Variants in FAM114A2 observed in about 807,000 individuals in gnomAD.
The protein encoded by FAM114A2 is family with sequence similarity 114 member A2, also known as protein FAM114A2.
Under a neutral mutation model 58.4 loss-of-function variants are expected in FAM114A2, and 53 were observed. The ratio of observed to expected loss-of-function variants is 0.91; its 90% CI spans 0.73 to 1.14. The LOEUF is 1.14. FAM114A2 is among the 50% of genes most tolerant of loss of function. The pLI is 0.00. For missense variants in FAM114A2, 601 were observed against 581.1 expected, an observed-to-expected ratio of 1.03 and a Z score of -0.35; for synonymous variants, 228 against 211.4, an observed-to-expected ratio of 1.08 and a Z score of -0.68.
intron 8 of FAM114A2, among the ~76,000 whole-genome samples, chr5:154,022,296 A>C (rs1771470817): frequency 6.6e-6 from 1 of 152,358 alleles, no homozygotes; most frequent in Non-Finnish European, 1.5e-5. Flanking sequence ...GGATCTAATT[A>C]AACTAAAGAG....
rs953238106 is a variant in FAM114A2 at position 153,990,580 on chromosome 5, G to A, written c.*2396C>T. On this transcript the variant is annotated 3_prime_UTR_variant, in exon 14 of 14. Coordinates refer to ENST00000351797, the MANE Select transcript of FAM114A2 (RefSeq NM_018691.4). ...ACACATTTCTAAGGTATTATGCAAAGGAAAATAAAAATTGTTTCATAGAGG... is the reference window on the plus strand; with the variant it reads ...ACACATTTCTAAGGTATTATGCAAAAGAAAATAAAAATTGTTTCATAGAGG... 2 of 151,228 alleles carry A rather than the reference G, an allele frequency of 1.3e-5. No homozygotes were observed. The highest frequency in any genetic ancestry group is 2.9e-5 in the Non-Finnish European group (2 of 67,886). The allele number at this position is 151,228 out of a possible 1,614,324, so 9.4% of individuals were successfully genotyped here. A position where few individuals can be genotyped will look rare whatever the true frequency, so the allele number is the denominator to read the frequency against.
intron 4 of FAM114A2, among the ~76,000 whole-genome samples, chr5:154,031,312 C>CAAA (rs59757780): frequency 1.9e-4 from 9 of 47,844 alleles, no homozygotes; most frequent in Non-Finnish European, 3.4e-5. Flanking sequence ...ACTCCCTCTC[C>CAAA]AAAAAAAAAA....
intron 8 of FAM114A2, among the ~76,000 whole-genome samples, chr5:154,021,010 G>A (rs921449109): frequency 7.2e-5 from 11 of 151,980 alleles, no homozygotes; most frequent in East Asian, 1.9e-4. Flanking sequence ...ATCAATAAAC[G>A]TAATCCATCA....
chr5:154,005,551 C>G (rs1253873824), intron 9 of FAM114A2, among the ~76,000 whole-genome samples: 2 of 152,050 alleles, frequency 1.3e-5, no homozygotes, highest in East Asian at 3.9e-4. Context: ...AAGAATGAAG[C>G]CAAAACAAAA....
At chr5:154,037,519 G>A (rs901212703) in intron 1 of FAM114A2, among the ~76,000 whole-genome samples, 3 of 152,182 alleles carry the variant, frequency 2.0e-5, no homozygotes, top group African/African-American at 7.2e-5. Context: ...GGAAAGACGA[G>A]ACAGTTTTTG....
Position 153,997,754 on chromosome 5 carries a change from C to T in FAM114A2, c.1329+49G>A, listed in dbSNP as rs199562705. On this transcript the variant is annotated intron_variant, in intron 12 of 13. Transcript: ENST00000351797. ...AGCAAATTTTATGATATTTAAACTG[C>T]TAAAGAAACCAGACAAACATTATTG... 7.1e-5 allele frequency: 80 copies of T among 1,132,798 alleles called. No homozygotes were observed. In the East Asian group the frequency reaches 1.8e-3, roughly 26 times the overall value. The allele number at this position is 1,132,798 out of a possible 1,614,324, so 70.2% of individuals were successfully genotyped here. A position where few individuals can be genotyped will look rare whatever the true frequency, so the allele number is the denominator to read the frequency against.
chr5:154,012,058 G>A (rs690053), intron 8 of FAM114A2, among the ~76,000 whole-genome samples: 93,190 of 151,660 alleles, frequency 0.61, 29,123 homozygotes, highest in East Asian at 0.87. Flanking sequence ...GTGGCTGGGT[G>A]GAGAATGGAT....
In FAM114A2 at chr5:154,034,900, G is replaced by C; in HGVS notation, c.54C>G (p.Ile18Met). The change falls in exon 2 of 14, where the codon ATC becomes ATG. Residue 18 changes from isoleucine (I) to methionine (M), a missense_variant. Ile to Met is a conservative substitution (Grantham distance 10). Transcript: ENST00000351797. ...CTGGCTCACAGTTTCCATCTTCAAG[G>C]ATGGGGGCTGCTTCAGTTAGCAGTG... ...ETPLLTEAAP[I>M]LEDGNCEPAK... The C allele has an allele frequency of 6.2e-7, 1 of 1,613,988 alleles. No individual in the cohort carries two copies. The highest frequency in any genetic ancestry group is 8.5e-7 in the Non-Finnish European group (1 of 1,179,874).
intron 10 of FAM114A2, 34 bp from the exon 11 acceptor site, chr5:154,002,424 C>G (rs953856114): frequency 1.2e-6 from 2 of 1,604,642 alleles, no homozygotes; most frequent in Non-Finnish European, 1.7e-6. Context: ...CATAGCAAAA[C>G]AAAACATTTG....
intron 12 of FAM114A2, among the ~76,000 whole-genome samples, chr5:153,995,840 C>A (rs1769521698): frequency 6.6e-6 from 1 of 152,108 alleles, no homozygotes. Context: ...TTAACTACTT[C>A]TCTCCCACCG....
Position 153,990,439 on chromosome 5 carries a change from G to A in FAM114A2, c.*2537C>T, listed in dbSNP as rs1015826795. ...GCACTGATTTCAGATTCATAGTAAT[G>A]CCATCTATAAAAATTACAATTTCAC... On this transcript the variant is annotated 3_prime_UTR_variant, in exon 14 of 14. Coordinates refer to ENST00000351797, the MANE Select transcript of FAM114A2 (RefSeq NM_018691.4). 6.6e-6 allele frequency: 1 copy of A among 150,688 alleles called. No individual in the cohort carries two copies. Among genetic ancestry groups the A allele is most frequent in the East Asian group, 2.0e-4 (1 of 5,116 alleles). 9.3% of individuals were successfully genotyped at this position (150,688 alleles called of 1,614,324 possible).
chr5:154,016,906 C>T (rs1463963153), intron 8 of FAM114A2, among the ~76,000 whole-genome samples: 1 of 152,062 alleles, frequency 6.6e-6, no homozygotes, highest in Non-Finnish European at 1.5e-5. Context: ...TAAGGACTCA[C>T]GTAAGCTTAA....
intron 4 of FAM114A2, among the ~76,000 whole-genome samples, chr5:154,032,225 A>G (rs1374434783): frequency 6.6e-6 from 1 of 152,210 alleles, no homozygotes; most frequent in Non-Finnish European, 1.5e-5. Flanking sequence ...TCTTCAAAAA[A>G]AGTATGGAAG....
At chr5:154,018,387 A>G (rs971234062) in intron 8 of FAM114A2, among the ~76,000 whole-genome samples, 2 of 152,132 alleles carry the variant, frequency 1.3e-5, no homozygotes, top group African/African-American at 4.8e-5. Flanking sequence ...GAACAAACCA[A>G]TAACAAGCAG....
At chr5:154,003,085 G>A (rs940712256) in intron 9 of FAM114A2, 116 bp from the exon 10 acceptor site, 7 of 816,180 alleles carry the variant, frequency 8.6e-6, no homozygotes, top group South Asian at 5.1e-5. Flanking sequence ...TTACCTGAAC[G>A]TACCATCTAG....
At chr5:154,002,574 C>T (rs1057178024) in intron 10 of FAM114A2, among the ~76,000 whole-genome samples, 184 bp from the exon 11 acceptor site, 3 of 152,120 alleles carry the variant, frequency 2.0e-5, no homozygotes, top group Non-Finnish European at 4.4e-5. Context: ...TCAGGTGTGA[C>T]GAAGTAACTA....
At chr5:154,019,556 A>G (rs1162872969) in intron 8 of FAM114A2, among the ~76,000 whole-genome samples, 1 of 152,214 alleles carries the variant, frequency 6.6e-6, no homozygotes. Context: ...TGGAACCAAA[A>G]AAGAGCCCAC....
At position 154,002,951 on chromosome 5, in the gene FAM114A2, C is replaced by A. The variant is rs370026012; in HGVS notation, c.1012G>T (p.Glu338Ter). ...TTGGTCAGAGACTTCCTGATCCATT[C>A]GTGGGCGGTATTTCTTGCCTAAATA... The part of the protein sequence containing the change: ...KLARARNTAH[E>*]WIRKSLTKPL... The change falls in exon 10 of 14, where the codon GAA (glutamate) becomes TAA (stop). Residue 338 changes from glutamate (E) to a stop codon, truncating the protein, a stop_gained. Transcript: ENST00000351797. LOFTEE classifies it high-confidence loss of function. 1 of 1,613,778 alleles carries A rather than the reference C, an allele frequency of 6.2e-7. No homozygotes were observed. Among genetic ancestry groups the A allele is most frequent in the Non-Finnish European group, 8.5e-7 (1 of 1,179,860 alleles).
Position 153,991,102 on chromosome 5 carries a change from T to G in FAM114A2, c.*1874A>C, listed in dbSNP as rs1581748030. The stretch of plus-strand genomic sequence containing the variant: ...AAATAAATAAATATATATGGGGGGG[T>G]GGGGAAGATGAGAAAAAAAGAGTTA... On this transcript the variant is annotated 3_prime_UTR_variant, in exon 14 of 14. Transcript: ENST00000351797. The G allele has an allele frequency of 6.8e-6, 1 of 146,384 alleles. No individual in the cohort carries two copies. Among genetic ancestry groups the G allele is most frequent in the Admixed American group, 6.9e-5 (1 of 14,582 alleles). 9.1% of individuals were successfully genotyped at this position (146,384 alleles called of 1,614,324 possible).
Sources: allele counts gnomAD v4.1 joint callset (sites outside exome capture counted in the v4.1 genomes callset), GRCh38; gene constraint gnomAD v4.1.1; transcripts MANE v1.5; gene names NCBI Gene and HGNC (gene_info 2026-07-23, HGNC 2026-07-21).